ECT2L: variants seen among roughly 807,000 people sequenced by gnomAD.
ECT2L encodes the protein epithelial cell transforming 2 like.
A neutral mutation model predicts 122.8 loss-of-function variants in ECT2L; 126 were observed. The ratio of observed to expected loss-of-function variants is 1.03; its 90% CI spans 0.89 to 1.19. The LOEUF is 1.19. Ranked by LOEUF, ECT2L falls within the 50% of genes most tolerant of loss-of-function variation. The pLI is 0.00. For synonymous variants in ECT2L, 385 were observed against 381.8 expected, an observed-to-expected ratio of 1.01 and a Z score of -0.10; for missense variants, 1,012 against 1,064.1, an observed-to-expected ratio of 0.95 and a Z score of 0.68.
intron 4 of ECT2L, among the ~76,000 whole-genome samples, chr6:138,822,496 A>C (rs1487104081): frequency 3.9e-5 from 6 of 152,242 alleles, no homozygotes; most frequent in Non-Finnish European, 8.8e-5. Context: ...TGGAGGTTGC[A>C]GTGAACCGAG....
At chr6:138,805,974 G>T (rs34748294) in intron 1 of ECT2L, among the ~76,000 whole-genome samples, 36,344 of 152,094 alleles carry the variant, frequency 0.24, 4,567 homozygotes, top group East Asian at 0.41. Context: ...ACAATATACT[G>T]TGTCCCTCCC....
intron 10 of ECT2L, among the ~76,000 whole-genome samples, chr6:138,857,712 C>T (rs1037423322): frequency 6.6e-6 from 1 of 152,134 alleles, no homozygotes; most frequent in Non-Finnish European, 1.5e-5. Flanking sequence ...GCAGGCTCTT[C>T]TTTCTCTGCA....
rs1779486138 is a variant in ECT2L, at chr6:138,903,716, G to A, written c.*1089G>A. The A allele has an allele frequency of 6.6e-6, 1 of 152,090 alleles. No individual in the cohort carries two copies. The highest frequency in any genetic ancestry group is 1.5e-5 in the Non-Finnish European group (1 of 68,028). 9.4% of individuals were successfully genotyped at this position (152,090 alleles called of 1,614,324 possible). A position where few individuals can be genotyped will look rare whatever the true frequency, so the allele number is the denominator to read the frequency against. The stretch of plus-strand genomic sequence containing the variant: ...AAAAACAGGTGTTGAGTAGTTTCCT[G>A]GGCCTTTAATGCTTTAAATTTATTA... On this transcript the variant is annotated 3_prime_UTR_variant, in exon 22 of 22. Transcript: ENST00000541398.
intron 7 of ECT2L, among the ~76,000 whole-genome samples, chr6:138,845,083 T>C (rs767436384): frequency 6.6e-6 from 1 of 152,218 alleles, no homozygotes; most frequent in African/African-American, 2.4e-5. Flanking sequence ...TATATTTGTA[T>C]GTACAAATAT....
intron 4 of ECT2L, among the ~76,000 whole-genome samples, chr6:138,832,755 T>G (rs1443793873): frequency 6.6e-6 from 1 of 151,434 alleles, no homozygotes; most frequent in Non-Finnish European, 1.5e-5. Context: ...TTTGTTGTTT[T>G]TTTTTTAATT....
intron 20 of ECT2L, among the ~76,000 whole-genome samples, chr6:138,892,514 CAG>C (rs1358131499): frequency 6.6e-6 from 1 of 152,016 alleles, no homozygotes; most frequent in Admixed American, 6.6e-5. Flanking sequence ...TTTTTTGAAA[CAG>C]AGTGTGTCAC....
intron 14 of ECT2L, among the ~76,000 whole-genome samples, chr6:138,878,667 G>T (rs1213466970): frequency 6.6e-6 from 1 of 151,746 alleles, no homozygotes; most frequent in African/African-American, 2.4e-5. Context: ...GGCTGGTCTC[G>T]AACTCCTGAG....
intron 10 of ECT2L, among the ~76,000 whole-genome samples, chr6:138,857,162 T>C (rs966101871): frequency 6.6e-6 from 1 of 152,150 alleles, no homozygotes; most frequent in Admixed American, 6.5e-5. Context: ...TGTGCCCTCA[T>C]TTCTCTTTAT....
At chr6:138,850,891 C>T (rs1777415200) in intron 9 of ECT2L, among the ~76,000 whole-genome samples, 1 of 149,524 alleles carries the variant, frequency 6.7e-6, no homozygotes, top group Non-Finnish European at 1.5e-5. Context: ...ATCCCAGCTA[C>T]TCGGGAGGCT....
chr6:138,873,952 C>G (rs1248774294), intron 13 of ECT2L, among the ~76,000 whole-genome samples: 1 of 148,856 alleles, frequency 6.7e-6, no homozygotes, highest in Non-Finnish European at 1.5e-5. Context: ...ACCTACCTAC[C>G]TACCTATCAT....
Position 138,867,999 on chromosome 6 carries a change from C to CAAAAAAAA in ECT2L, c.1475-91_1475-84dup, listed in dbSNP as rs754296302. Reference sequence around the variant, plus strand: ...TGGGCAACAGAGTAAGATTCTGTCTCAAAAAAAAAAAAAAAAAAAAGAAAC... The same window carrying CAAAAAAAA: ...TGGGCAACAGAGTAAGATTCTGTCTCAAAAAAAAAAAAAAAAAAAAAAAAAAAAGAAAC... On this transcript the variant is annotated intron_variant, in intron 12 of 21. Transcript: ENST00000541398. 2.7e-3 allele frequency: 902 copies of CAAAAAAAA among 335,724 alleles called. 10 individuals carry two copies. Among genetic ancestry groups the CAAAAAAAA allele is most frequent in the Admixed American group, 4.5e-3 (57 of 12,698 alleles). 20.8% of individuals were successfully genotyped at this position (335,724 alleles called of 1,614,324 possible).
intron 11 of ECT2L, among the ~76,000 whole-genome samples, chr6:138,864,042 C>G (rs1045865443): frequency 1.5e-5 from 2 of 133,492 alleles, no homozygotes; most frequent in African/African-American, 6.2e-5. Context: ...ATGTTGTGGC[C>G]GGGCGCAGTG....
intron 9 of ECT2L, among the ~76,000 whole-genome samples, chr6:138,851,217 C>A (rs1292350966): frequency 2.0e-5 from 3 of 151,894 alleles, no homozygotes; most frequent in Non-Finnish European, 4.4e-5. Flanking sequence ...GAGACAGAGC[C>A]TCGCTCTGTT....
intron 20 of ECT2L, among the ~76,000 whole-genome samples, chr6:138,893,402 A>T (rs945598305): frequency 3.4e-5 from 5 of 146,968 alleles, no homozygotes; most frequent in Admixed American, 1.3e-4. Flanking sequence ...ACCATGTAAG[A>T]ATATATATAT....
At position 138,888,960 on chromosome 6, in the gene ECT2L, C is replaced by G; in HGVS notation, c.2343C>G (p.Asn781Lys). ...IWGCPTLSEV[N>K]RYLIRVQDVA... is the part of the protein sequence containing the mutation. ...TTTTACAGACTCTATCAGAAGTAAA[C>G]AGATATCTGATTAGGGTACAAGATG... Residue 781 changes from asparagine to lysine, a missense_variant, in exon 20 of 22, where the codon AAC becomes AAG. Coordinates refer to ENST00000541398, the MANE Select transcript of ECT2L (RefSeq NM_001077706.3). 1 of 1,491,028 alleles carries G rather than the reference C, an allele frequency of 6.7e-7. No individual in the cohort carries two copies. The highest frequency in any genetic ancestry group is 9.0e-7 in the Non-Finnish European group (1 of 1,110,982). The allele number at this position is 1,491,028 out of a possible 1,614,324, so 92.4% of individuals were successfully genotyped here.
chr6:138,801,624 A>AT (rs1363033826), intron 1 of ECT2L, among the ~76,000 whole-genome samples: 1 of 152,068 alleles, frequency 6.6e-6, no homozygotes, highest in African/African-American at 2.4e-5. Context: ...GCATGGTGGC[A>AT]TGCACCTGTA....
rs146741078 is a variant in ECT2L at position 138,810,569 on chromosome 6, T to C, written c.-243-2269T>C. 3.0e-3 allele frequency among the ~76,000 whole-genome samples: 460 copies of C among 152,348 alleles called. 3 individuals are homozygous for C. Among genetic ancestry groups the C allele is most frequent in the African/African-American group, 0.01 (419 of 41,584 alleles). ...ATAATTTGGGATATATTTTGAGAAGTTGACATTGTCAAGGGAATCCCTGGC... is the reference window on the plus strand; with the variant it reads ...ATAATTTGGGATATATTTTGAGAAGCTGACATTGTCAAGGGAATCCCTGGC... On this transcript the variant is annotated intron_variant, in intron 1 of 21. Coordinates refer to ENST00000541398, the MANE Select transcript of ECT2L (RefSeq NM_001077706.3).
At position 138,846,609 on chromosome 6, in the gene ECT2L, G is replaced by T. The variant is rs758081885; in HGVS notation, c.835G>T (p.Asp279Tyr). 1.2e-6 allele frequency: 2 copies of T among 1,611,598 alleles called. No homozygotes were observed. The highest frequency in any genetic ancestry group is 1.7e-6 in the Non-Finnish European group (2 of 1,179,206). The change falls in exon 8 of 22, where the codon GAT becomes TAT. Residue 279 changes from aspartate to tyrosine, a missense_variant. Transcript: ENST00000541398. ...AAATTGGCATGGAGTTCATAAAAAT[G>T]ATGACAGATCTTCATATGCTCTCCG... ...KKNWHGVHKN[D>Y]DRSSYALRPH...
intron 12 of ECT2L, 82 bp from the exon 13 acceptor site, chr6:138,868,021 A>G: frequency 1.1e-6 from 1 of 935,142 alleles, no homozygotes; most frequent in Non-Finnish European, 1.6e-6. Flanking sequence ...AAAAAAAAAG[A>G]AACTGTGAGG....
Sources: allele counts gnomAD v4.1 joint callset (sites outside exome capture counted in the v4.1 genomes callset), GRCh38; gene constraint gnomAD v4.1.1; transcripts MANE v1.5; gene names NCBI Gene and HGNC (gene_info 2026-07-23, HGNC 2026-07-21).